MKLN1: variants seen among roughly 807,000 people sequenced by gnomAD.
MKLN1 encodes the protein muskelin.
In MKLN1, 18 loss-of-function variants were observed where a neutral mutation model predicts 99.0. The observed-to-expected ratio is 0.18, with a 90% CI of 0.13 to 0.27. The LOEUF (loss-of-function observed/expected upper bound fraction) is 0.27. Among genes scored for constraint, MKLN1 ranks in the 10% least tolerant of loss-of-function variants. The pLI, the probability that MKLN1 is intolerant of heterozygous loss-of-function variation, is 1.00. For missense variants in MKLN1, 621 were observed against 875.9 expected, an observed-to-expected ratio of 0.71 and a Z score of 3.67; for synonymous variants, 288 against 293.2, an observed-to-expected ratio of 0.98 and a Z score of 0.18.
chr7:131,210,667 C>A, intron 3 of MKLN1, among the ~76,000 whole-genome samples: 1 of 119,310 alleles, frequency 8.4e-6, no homozygotes, highest in African/African-American at 3.3e-5. Context: ...TGTGCCACTG[C>A]ACTCCAGCCT....
intron 16 of MKLN1, among the ~76,000 whole-genome samples, chr7:131,474,036 G>A (rs2116656229): frequency 6.6e-6 from 1 of 152,236 alleles, no homozygotes; most frequent in African/African-American, 2.4e-5. Context: ...TGTAATCCCA[G>A]CTGATCGGGA....
intron 16 of MKLN1, among the ~76,000 whole-genome samples, chr7:131,473,062 C>G (rs1796871137): frequency 6.6e-6 from 1 of 151,686 alleles, no homozygotes; most frequent in Non-Finnish European, 1.5e-5. Flanking sequence ...AATTACTGGT[C>G]CATAGTATTA....
At chr7:131,365,970 G>A (rs1800169069) in intron 1 of MKLN1, among the ~76,000 whole-genome samples, 2 of 152,192 alleles carry the variant, frequency 1.3e-5, no homozygotes, top group South Asian at 4.1e-4. Context: ...AGGAGCAAGA[G>A]TATACATGAT....
At position 131,493,695 on chromosome 7, in the gene MKLN1, A is replaced by G. The variant is rs146079488; in HGVS notation, c.*5967A>G. On this transcript the variant is annotated 3_prime_UTR_variant, in exon 18 of 18. Coordinates refer to ENST00000352689, the MANE Select transcript of MKLN1 (RefSeq NM_013255.5). ...AGGATCCAGCAGGAAAACCAGCCAT[A>G]AAACATTTCAACATGCAGTTTGGGG... 3 of 152,346 alleles carry G rather than the reference A, an allele frequency of 2.0e-5. No individual in the cohort carries two copies. Among genetic ancestry groups the G allele is most frequent in the Non-Finnish European group, 2.9e-5 (2 of 68,048 alleles). The allele number at this position is 152,346 out of a possible 1,614,324, so 9.4% of individuals were successfully genotyped here. A position where few individuals can be genotyped will look rare whatever the true frequency, so the allele number is the denominator to read the frequency against.
chr7:131,239,569 C>T lies in MKLN1; in HGVS notation c.-179+36595C>T, dbSNP rs147479065. 5.0e-3 allele frequency among the ~76,000 whole-genome samples: 759 copies of T among 152,306 alleles called. 12 individuals are homozygous for T. The highest frequency in any genetic ancestry group is 0.016 in the African/African-American group (676 of 41,564). On this transcript the variant is annotated intron_variant, in intron 3 of 7. Transcript: ENST00000416992. The stretch of plus-strand genomic sequence containing the variant: ...ATGACCTTAAGCTATCTTCCCACCT[C>T]GGTCTCCTAAATTGCTAGGATTACA...
chr7:131,436,829 A>G (rs1187452510), intron 9 of MKLN1, among the ~76,000 whole-genome samples: 5 of 152,184 alleles, frequency 3.3e-5, no homozygotes, highest in Non-Finnish European at 7.3e-5. Context: ...GATACCAGCT[A>G]ATTAATTTAT....
At chr7:131,263,175 C>T (rs1166388974) in intron 3 of MKLN1, among the ~76,000 whole-genome samples, 3 of 151,884 alleles carry the variant, frequency 2.0e-5, no homozygotes, top group East Asian at 1.9e-4. Flanking sequence ...GAGGCCAATA[C>T]CGATTACTGG....
rs532968963 is a variant in MKLN1 at position 131,370,026 on chromosome 7, C to T, written c.99-5398C>T. Among the ~76,000 whole-genome samples the T allele has an allele frequency of 5.3e-5, 8 of 152,220 alleles. No individual in the cohort carries two copies. In the East Asian group the frequency reaches 5.8e-4, roughly 11 times the overall value. On this transcript the variant is annotated intron_variant, in intron 1 of 17. Coordinates refer to ENST00000352689, the MANE Select transcript of MKLN1 (RefSeq NM_013255.5). ...TAATTTTTTGTATTTTTAGTATTAA[C>T]GGGGTTTCACCATGTTAGCCAGGCT...
Position 131,347,881 on chromosome 7 carries a change from G to A in MKLN1, c.98+19884G>A, listed in dbSNP as rs543263822. On this transcript the variant is annotated intron_variant, in intron 1 of 17. Coordinates refer to ENST00000352689, the MANE Select transcript of MKLN1 (RefSeq NM_013255.5). Reference sequence around the variant, plus strand: ...TAACATTTTTTAAATTGCAAAAATGGATACCGAATTATAAAGACAGTAGTG... The same window carrying A: ...TAACATTTTTTAAATTGCAAAAATGAATACCGAATTATAAAGACAGTAGTG... Among the ~76,000 whole-genome samples, 6 of 152,216 alleles carry A rather than the reference G, an allele frequency of 3.9e-5. No homozygotes were observed. In the East Asian group the frequency reaches 1.2e-3, roughly 29 times the overall value.
At chr7:131,414,348 T>C (rs1794956971) in intron 7 of MKLN1, among the ~76,000 whole-genome samples, 1 of 152,160 alleles carries the variant, frequency 6.6e-6, no homozygotes, top group Non-Finnish European at 1.5e-5. Flanking sequence ...GAGATTTTTG[T>C]TTTATGTTTT....
intron 1 of MKLN1, among the ~76,000 whole-genome samples, chr7:131,111,317 A>AGGCATTCTTGCTTATGTTGT (rs1795194902): frequency 6.6e-6 from 1 of 152,212 alleles, no homozygotes; most frequent in Non-Finnish European, 1.5e-5. Flanking sequence ...ATCGGGTTAA[A>AGGCATTCTTGCTTATGTTGT]GGCATTCTTG....
intron 3 of MKLN1, among the ~76,000 whole-genome samples, chr7:131,203,350 G>A (rs1254553303): frequency 6.6e-6 from 1 of 152,142 alleles, no homozygotes; most frequent in Non-Finnish European, 1.5e-5. Context: ...CATGATCTAA[G>A]TAATTCTGGT....
At chr7:131,221,630 C>T (rs1584846104) in intron 3 of MKLN1, among the ~76,000 whole-genome samples, 1 of 151,028 alleles carries the variant, frequency 6.6e-6, no homozygotes, top group South Asian at 2.1e-4. Context: ...GCCTCAGCCT[C>T]CTGAGTAGCT....
At chr7:131,436,284 G>A (rs1795674293) in intron 9 of MKLN1, among the ~76,000 whole-genome samples, 1 of 151,784 alleles carries the variant, frequency 6.6e-6, no homozygotes, top group Admixed American at 6.6e-5. Flanking sequence ...GCCTTTTTAT[G>A]TTATATCTTG....
intron 2 of MKLN1, among the ~76,000 whole-genome samples, chr7:131,174,248 AG>A (rs904557118): frequency 2.0e-5 from 3 of 152,164 alleles, no homozygotes; most frequent in African/African-American, 7.2e-5. Flanking sequence ...CTGGGATTAC[AG>A]GCGTGAGCCA....
intron 6 of MKLN1, among the ~76,000 whole-genome samples, chr7:131,410,430 C>G (rs1204495666): frequency 6.6e-6 from 1 of 152,062 alleles, no homozygotes; most frequent in Non-Finnish European, 1.5e-5. Context: ...GGTAAGTGTT[C>G]CATAAGTATA....
At chr7:131,438,868 C>T (rs1200642378) in intron 10 of MKLN1, among the ~76,000 whole-genome samples, 1 of 151,974 alleles carries the variant, frequency 6.6e-6, no homozygotes, top group African/African-American at 2.4e-5. Flanking sequence ...TTATCTAGGA[C>T]ATAGAACCCA....
At chr7:131,205,711 C>T (rs1863011) in intron 3 of MKLN1, among the ~76,000 whole-genome samples, 68,623 of 151,572 alleles carry the variant, frequency 0.45, 16,182 homozygotes, top group South Asian at 0.61. Context: ...GCTGTAACAC[C>T]GAGGCCTTTT....
chr7:131,475,694 C>T lies in MKLN1; in HGVS notation c.2032-2929C>T, dbSNP rs149852335. Among the ~76,000 whole-genome samples the T allele has an allele frequency of 2.0e-5, 3 of 152,206 alleles. No homozygotes were observed. The East Asian group carries it at 5.8e-4, about 29-fold the overall frequency. On this transcript the variant is annotated intron_variant, in intron 16 of 17. Transcript: ENST00000352689. ...CTGGGTGGTGCCATGCCTGTAGTCC[C>T]AGCTCCTCTGGAGGCTGAGGTGGGA...
Sources: allele counts gnomAD v4.1 joint callset (sites outside exome capture counted in the v4.1 genomes callset), GRCh38; gene constraint gnomAD v4.1.1; transcripts MANE v1.5; gene names NCBI Gene and HGNC (gene_info 2026-07-23, HGNC 2026-07-21).